The following VANGL1 variants were observed in gnomAD, a reference collection of about 807,000 sequenced individuals.
VANGL1 encodes the protein vang-like protein 1.
VANGL1 carries 18 observed loss-of-function variants against 48.4 expected under a neutral mutation model. That is an observed-to-expected ratio of 0.37 (90% CI 0.26 to 0.55). VANGL1 has a LOEUF of 0.55. Among genes scored for constraint, VANGL1 ranks in the 20% least tolerant of loss-of-function variants. The probability of loss-of-function intolerance (pLI) is 0.81; values close to 1 mark genes in which losing one functional copy is unlikely to be tolerated. For missense variants in VANGL1, 667 were observed against 675.8 expected, an observed-to-expected ratio of 0.99 and a Z score of 0.14; for synonymous variants, 257 against 261.8, an observed-to-expected ratio of 0.98 and a Z score of 0.18.
Position 115,684,059 on chromosome 1 carries a change from A to C in VANGL1, c.1062A>C (p.Val354=). 1 of 1,613,852 alleles carries C rather than the reference A, an allele frequency of 6.2e-7. No homozygotes were observed. The highest frequency in any genetic ancestry group is 2.2e-5 in the East Asian group (1 of 44,868). Residue 354 remains valine (V), a synonymous_variant, in exon 6 of 8, where the codon GTA becomes GTC. Coordinates refer to ENST00000355485, the MANE Select transcript of VANGL1 (RefSeq NM_138959.3). ...AAGAGGCCGAACATGAACGGCGAGT[A>C]AAGAAGCGGAAAGCAAGGTATACTG... ...YYEEAEHERR[V]KKRKARLVVA...
chr1:115,649,346 A>T (rs1009173775), intron 1 of VANGL1, among the ~76,000 whole-genome samples: 3 of 152,200 alleles, frequency 2.0e-5, no homozygotes, highest in African/African-American at 7.2e-5. Context: ...ATGGATTGGG[A>T]AGTCTCTGAG....
chr1:115,680,993 A>G (rs966947821), intron 4 of VANGL1, among the ~76,000 whole-genome samples: 3 of 152,250 alleles, frequency 2.0e-5, no homozygotes, highest in Non-Finnish European at 4.4e-5. Flanking sequence ...TGGAGATGTC[A>G]GCACGTACGC....
intron 1 of VANGL1, among the ~76,000 whole-genome samples, chr1:115,645,902 T>G (rs1651894374): frequency 6.6e-6 from 1 of 152,228 alleles, no homozygotes. Context: ...CGTGTCTCTG[T>G]AACCCTTACA....
chr1:115,666,035 C>T (rs977628523), intron 4 of VANGL1, among the ~76,000 whole-genome samples: 4 of 152,086 alleles, frequency 2.6e-5, no homozygotes, highest in African/African-American at 9.7e-5. Flanking sequence ...GCAATAAAGC[C>T]GAGCAGGAGA....
intron 2 of VANGL1, 76 bp from the exon 3 acceptor site, chr1:115,659,565 A>T: frequency 1.3e-6 from 2 of 1,595,120 alleles, no homozygotes; most frequent in Non-Finnish European, 8.6e-7. Flanking sequence ...TAAATTCAAA[A>T]TGATACTTAC....
chr1:115,653,596 C>T (rs1053348356), intron 2 of VANGL1, among the ~76,000 whole-genome samples: 2 of 152,090 alleles, frequency 1.3e-5, no homozygotes, highest in Admixed American at 6.5e-5. Context: ...TGTCTACACT[C>T]GAGTTCTGAC....
At position 115,651,550 on chromosome 1, in the gene VANGL1, A is replaced by G. The variant is rs953708395; in HGVS notation, c.71+66A>G. On this transcript the variant is annotated intron_variant, in intron 2 of 7. Transcript: ENST00000355485. Reference sequence around the variant, plus strand: ...AACCTACAGGTTGGTGGGGTTCTCTACACTCACTTTTCAGTGACTCAGCGC... The same window carrying G: ...AACCTACAGGTTGGTGGGGTTCTCTGCACTCACTTTTCAGTGACTCAGCGC... 3.0e-5 allele frequency: 43 copies of G among 1,430,716 alleles called. No homozygotes were observed. The East Asian group carries it at 7.8e-4, about 26-fold the overall frequency. 88.6% of individuals were successfully genotyped at this position (1,430,716 alleles called of 1,614,324 possible). A position where few individuals can be genotyped will look rare whatever the true frequency, so the allele number is the denominator to read the frequency against.
chr1:115,677,960 C>T (rs994454019), intron 4 of VANGL1, among the ~76,000 whole-genome samples: 1 of 152,184 alleles, frequency 6.6e-6, no homozygotes, highest in African/African-American at 2.4e-5. Context: ...CTCTGGGGCC[C>T]TTTTTGCCTC....
intron 5 of VANGL1, among the ~76,000 whole-genome samples, chr1:115,683,174 A>G (rs1265827697): frequency 6.6e-6 from 1 of 151,990 alleles, no homozygotes; most frequent in Non-Finnish European, 1.5e-5. Context: ...TTTTTTGGCT[A>G]TATGAGGTGT....
intron 4 of VANGL1, among the ~76,000 whole-genome samples, chr1:115,681,500 G>GTTTTTT (rs1267113664): frequency 1.0e-5 from 1 of 96,330 alleles, no homozygotes; most frequent in African/African-American, 4.2e-5. Flanking sequence ...TCTTTTTTTT[G>GTTTTTT]TTGTTTTTTT....
At chr1:115,650,437 T>C (rs1474738978) in intron 1 of VANGL1, among the ~76,000 whole-genome samples, 1 of 152,234 alleles carries the variant, frequency 6.6e-6, no homozygotes, top group East Asian at 1.9e-4. Context: ...CAATATCTAA[T>C]GAAAATGTGG....
Position 115,691,684 on chromosome 1 carries a change from TAC to T in VANGL1, c.*307_*308del, listed in dbSNP as rs1035380436. On this transcript the variant is annotated 3_prime_UTR_variant, in exon 8 of 8. Coordinates refer to ENST00000355485, the MANE Select transcript of VANGL1 (RefSeq NM_138959.3). The stretch of plus-strand genomic sequence containing the variant: ...CTGGTGCTTCTTGGGAGCCTCGCCT[TAC>T]AACTAATTCCTGCCTTTCGTCCAGT... The T allele has an allele frequency of 8.9e-5, 29 of 327,026 alleles. No individual in the cohort carries two copies. The highest frequency in any genetic ancestry group is 5.8e-4 in the African/African-American group (27 of 46,400). The allele number at this position is 327,026 out of a possible 1,614,324, so 20.3% of individuals were successfully genotyped here. A position where few individuals can be genotyped will look rare whatever the true frequency, so the allele number is the denominator to read the frequency against.
intron 1 of VANGL1, chr1:115,642,556 C>T (rs1385078578): frequency 3.3e-5 from 5 of 152,408 alleles, no homozygotes; most frequent in African/African-American, 9.6e-5. Context: ...GGTTCCCACC[C>T]CTGGCGGGGC....
chr1:115,691,967 T>G lies in VANGL1; in HGVS notation c.*588T>G, dbSNP rs1336598075. The G allele has an allele frequency of 6.5e-6, 1 of 152,852 alleles. No homozygotes were observed. Among genetic ancestry groups the G allele is most frequent in the Admixed American group, 6.5e-5 (1 of 15,290 alleles). The allele number at this position is 152,852 out of a possible 1,614,324, so 9.5% of individuals were successfully genotyped here. The stretch of plus-strand genomic sequence containing the variant: ...CTGTCGTTTACAGCTATTAAGTGAT[T>G]TGATTTTGTTTTTTTCCCAAAGAGA... On this transcript the variant is annotated 3_prime_UTR_variant, in exon 8 of 8. Coordinates refer to ENST00000355485, the MANE Select transcript of VANGL1 (RefSeq NM_138959.3).
intron 4 of VANGL1, among the ~76,000 whole-genome samples, chr1:115,668,700 G>A (rs567308294): frequency 1.5e-4 from 23 of 152,176 alleles, no homozygotes; most frequent in Non-Finnish European, 3.1e-4. Flanking sequence ...TGAGTCAGCT[G>A]AGGCTGACTT....
intron 7 of VANGL1, among the ~76,000 whole-genome samples, chr1:115,687,376 A>G (rs780737874): frequency 5.8e-5 from 8 of 139,026 alleles, no homozygotes; most frequent in Non-Finnish European, 1.3e-4. Context: ...AAATGAGGAA[A>G]ATATGTCTGC....
chr1:115,650,661 T>C (rs966084599), intron 1 of VANGL1, among the ~76,000 whole-genome samples: 2 of 152,144 alleles, frequency 1.3e-5, no homozygotes, highest in African/African-American at 4.8e-5. Flanking sequence ...TGTGATACTT[T>C]TCTGGTGGAT....
At chr1:115,687,298 T>C (rs1444396030) in intron 7 of VANGL1, among the ~76,000 whole-genome samples, 2 of 138,868 alleles carry the variant, frequency 1.4e-5, no homozygotes, top group African/African-American at 5.4e-5. Flanking sequence ...TGTTGAATCA[T>C]GAAAGAATCT....
chr1:115,690,135 C>G (rs1267642600), intron 7 of VANGL1, among the ~76,000 whole-genome samples: 2 of 88,344 alleles, frequency 2.3e-5, no homozygotes. Flanking sequence ...GTTGGAAATT[C>G]AAATTAAAGA....
Sources: gnomAD v4.1 joint callset for allele counts (sites outside exome capture counted in the v4.1 genomes callset) on GRCh38, gnomAD v4.1.1 for gene constraint, MANE v1.5 for transcripts, NCBI Gene and HGNC (gene_info 2026-07-23, HGNC 2026-07-21) for gene names.